CRAT: variants seen among roughly 807,000 people sequenced by gnomAD.
The protein encoded by CRAT is carnitine acetylase.
CRAT carries 66 observed loss-of-function variants against 73.7 expected under a neutral mutation model. The observed-to-expected ratio is 0.90, with a 90% CI of 0.73 to 1.10. The LOEUF (loss-of-function observed/expected upper bound fraction) is 1.10. CRAT is among the 50% of genes least tolerant of loss of function. CRAT has a pLI of 0.00. For synonymous variants in CRAT, 321 were observed against 343.2 expected (o/e 0.94, Z 0.71); for missense variants, 745 against 846.9 (o/e 0.88, Z 1.49).
At chr9:129,108,850 C>T (rs1315847168) in intron 1 of CRAT, 9 of 1,303,954 alleles carry the variant, frequency 6.9e-6, no homozygotes, top group Non-Finnish European at 9.1e-6. Flanking sequence ...CTAAGCCTAA[C>T]TGTGCTACAA....
At position 129,097,286 on chromosome 9, in the gene CRAT, C is replaced by G; in HGVS notation, c.1491G>C (p.Arg497=). 3.3e-6 allele frequency: 5 copies of G among 1,494,338 alleles called. No individual in the cohort carries two copies. The highest frequency in any genetic ancestry group is 4.5e-6 in the Non-Finnish European group (5 of 1,119,242). 92.6% of individuals were successfully genotyped at this position (1,494,338 alleles called of 1,614,324 possible). The change falls in exon 12 of 14, where the codon CGG becomes CGC. Residue 497 remains arginine, a synonymous_variant. Transcript: ENST00000318080. The part of the protein sequence containing the change: ...VTEHQKVELL[R]KAVQAHRGYT... ...AGCCTCGGTGGGCCTGCACGGCCTTCCGCAGCAGCTCCACCTTCTGGTGCT... is the reference window on the plus strand; with the variant it reads ...AGCCTCGGTGGGCCTGCACGGCCTTGCGCAGCAGCTCCACCTTCTGGTGCT...
chr9:129,095,868 C>T (rs1847248914), intron 13 of CRAT, 130 bp downstream of exon 13: 25 of 1,345,276 alleles, frequency 1.9e-5, no homozygotes, highest in Non-Finnish European at 2.5e-5. Flanking sequence ...GCAGAGAGGC[C>T]CCTGCCCCCA....
At chr9:129,108,657 A>G in intron 1 of CRAT, 1 of 1,236,228 alleles carries the variant, frequency 8.1e-7, no homozygotes. Context: ...GAGAGGCGGC[A>G]GAGAGAGAAA....
chr9:129,108,168 T>G (rs1848139896), intron 1 of CRAT, 91 bp from the exon 2 acceptor site: 1 of 1,414,636 alleles, frequency 7.1e-7, no homozygotes. Context: ...TAAGTGCCCA[T>G]CCCTGGGGGC....
rs181346042 is a variant in CRAT, at chr9:129,108,881, C to A, written c.28-804G>T. The A allele has an allele frequency of 2.2e-5, 28 of 1,298,870 alleles. No individual in the cohort carries two copies. In the South Asian group the frequency reaches 2.7e-4, roughly 13 times the overall value. The allele number at this position is 1,298,870 out of a possible 1,614,324, so 80.5% of individuals were successfully genotyped here. A position where few individuals can be genotyped will look rare whatever the true frequency, so the allele number is the denominator to read the frequency against. ...TACAAAGTGAGTGAGCAGAACCTAG[C>A]CAGAGGCAGCCACTTGCCTGGGCTG... On this transcript the variant is annotated intron_variant, in intron 1 of 13. Transcript: ENST00000318080.
At chr9:129,104,152 C>T (rs769481468) in intron 3 of CRAT, 36 bp downstream of exon 3, 24 of 1,509,378 alleles carry the variant, frequency 1.6e-5, no homozygotes, top group East Asian at 2.4e-5. Flanking sequence ...TCGAGGGGCC[C>T]GGCTGCCTCC....
chr9:129,102,972 CCTGGGCAGGTGTGGGG>C, intron 4 of CRAT, 25 bp downstream of exon 4: 3 of 1,581,766 alleles, frequency 1.9e-6, no homozygotes, highest in Non-Finnish European at 2.6e-6. Context: ...ATTAAGCAGG[CCTGGGCAGGTGTGGGG>C]CTGGGCAGGG....
chr9:129,100,358 TG>T, intron 7 of CRAT, 152 bp downstream of exon 7: 1 of 931,120 alleles, frequency 1.1e-6, no homozygotes, highest in Non-Finnish European at 1.6e-6. Flanking sequence ...GCTGGCTGCC[TG>T]GTAATTACGG....
intron 6 of CRAT, among the ~76,000 whole-genome samples, chr9:129,101,094 CG>C (rs112754361): frequency 0.039 from 5,984 of 152,204 alleles, 399 homozygotes; most frequent in African/African-American, 0.14. Context: ...GGTGTGGAGG[CG>C]GGTGGGCTTC....
Position 129,110,518 on chromosome 9 carries a change from C to T in CRAT, c.-9G>A. On this transcript the variant is annotated 5_prime_UTR_variant, in exon 1 of 14. Transcript: ENST00000318080. The surrounding 1 kb of genome is among the most constrained non-coding windows in gnomAD (Gnocchi z 5.3). The stretch of plus-strand genomic sequence containing the variant: ...GCAGCGAAGGCTAACATCTTCGCTG[C>T]CCGTCCGCGGACACGCAGTCCGCTC... The T allele has an allele frequency of 6.3e-7, 1 of 1,577,628 alleles. No individual in the cohort carries two copies.
chr9:129,106,135 G>T lies in CRAT; in HGVS notation c.291+1679C>A, dbSNP rs1018530439. Among the ~76,000 whole-genome samples, 4 of 152,118 alleles carry T rather than the reference G, an allele frequency of 2.6e-5. No individual in the cohort carries two copies. The highest frequency in any genetic ancestry group is 9.6e-5 in the African/African-American group (4 of 41,496). On this transcript the variant is annotated intron_variant, in intron 2 of 13. Transcript: ENST00000318080. This position sits in a 1 kb window ranked among gnomAD's most constrained non-coding sequence, Gnocchi z 4.0. ...CCACTAGCCTTTGGCAAGGGGTGAG[G>T]GGGAGGCAACTTGGCAAGGGGTGAG...
chr9:129,100,773 C>T lies in CRAT; in HGVS notation c.806-84G>A, dbSNP rs1847624412. On this transcript the variant is annotated intron_variant, in intron 6 of 13. Coordinates refer to ENST00000318080, the MANE Select transcript of CRAT (RefSeq NM_000755.5). ...GACCAGCCCCTCCGCAGCCTCCTGC[C>T]CTGGGCTCTTCTGACCCATTTGTAC... The T allele has an allele frequency of 3.6e-5, 54 of 1,481,148 alleles. No homozygotes were observed. In the South Asian group the frequency reaches 6.6e-4, roughly 18 times the overall value. The allele number at this position is 1,481,148 out of a possible 1,614,324, so 91.8% of individuals were successfully genotyped here.
Position 129,100,625 on chromosome 9 carries a change from T to G in CRAT, c.870A>C (p.Ala290=). The part of the protein sequence containing the change: ...QKSIFTVCLD[A]TMPRVSEDVY... ...CGTCTTCTGAGACCCTGGGCATGGT[T>G]GCATCTAGGCACACGGTGAAGATGC... is the stretch of plus-strand genomic sequence containing the variant. The change falls in exon 7 of 14, where the codon GCA becomes GCC. Residue 290 remains alanine (A), a synonymous_variant. Transcript: ENST00000318080. The G allele has an allele frequency of 6.2e-7, 1 of 1,614,044 alleles. No homozygotes were observed. The highest frequency in any genetic ancestry group is 8.5e-7 in the Non-Finnish European group (1 of 1,179,976).
intron 2 of CRAT, among the ~76,000 whole-genome samples, chr9:129,105,719 G>T (rs1291829484): frequency 6.6e-6 from 1 of 152,170 alleles, no homozygotes; most frequent in African/African-American, 2.4e-5. Context: ...GCCTCGGGGA[G>T]TAGATACCCA....
intron 7 of CRAT, 35 bp downstream of exon 7, chr9:129,100,474 GGT>G (rs1191936773): frequency 6.3e-7 from 1 of 1,592,868 alleles, no homozygotes; most frequent in South Asian, 1.1e-5. Flanking sequence ...GTCCTGTTCA[GGT>G]GTGTGTGAGT....
rs990503378 is a variant in CRAT, at chr9:129,098,608, G to A, written c.1128C>T (p.Pro376=). 1 of 1,600,788 alleles carries A rather than the reference G, an allele frequency of 6.2e-7. No individual in the cohort carries two copies. Among genetic ancestry groups the A allele is most frequent in the African/African-American group, 1.4e-5 (1 of 73,610 alleles). The change falls in exon 9 of 14, where the codon CCC becomes CCT. Residue 376 remains proline (P), a synonymous_variant. Coordinates refer to ENST00000318080, the MANE Select transcript of CRAT (RefSeq NM_000755.5). ...TGTTGAACCGCAGCTTCTTGGGCATGGGCAGGGGCACCAGGGGAGACCGCA... is the reference window on the plus strand; with the variant it reads ...TGTTGAACCGCAGCTTCTTGGGCATAGGCAGGGGCACCAGGGGAGACCGCA... ...ELVRSPLVPL[P]MPKKLRFNIT... is the part of the protein sequence containing the mutation.
rs1404833633 is a variant in CRAT at position 129,104,991 on chromosome 9, C to A, written c.292-685G>T. On this transcript the variant is annotated intron_variant, in intron 2 of 13. Transcript: ENST00000318080. ...TCTCGGCTCACTGCAAGCTCCACCT[C>A]CTGGGTTCACGCCATTCTCCTGCCT... Among the ~76,000 whole-genome samples the A allele has an allele frequency of 2.0e-5, 3 of 149,058 alleles. No homozygotes were observed. In the East Asian group the frequency reaches 5.9e-4, roughly 30 times the overall value.
Position 129,110,543 on chromosome 9 carries a change from C to G in CRAT, c.-34G>C. ...CCCGTCCGCGGACACGCAGTCCGCT[C>G]CGCCCCACACACCGGGCAAAGTCCG... On this transcript the variant is annotated 5_prime_UTR_variant, in exon 1 of 14. Transcript: ENST00000318080. This position sits in a 1 kb window ranked among gnomAD's most constrained non-coding sequence, Gnocchi z 5.3. 6.4e-6 allele frequency: 10 copies of G among 1,568,462 alleles called. No individual in the cohort carries two copies. Among genetic ancestry groups the G allele is most frequent in the Non-Finnish European group, 8.6e-6 (10 of 1,164,372 alleles).
intron 6 of CRAT, 62 bp downstream of exon 6, chr9:129,101,821 G>T: frequency 6.4e-7 from 1 of 1,557,364 alleles, no homozygotes; most frequent in Non-Finnish European, 8.7e-7. Context: ...TGGAGTTGAG[G>T]CTGGTCCCCA....
Sources: gnomAD v4.1 joint callset for allele counts (sites outside exome capture counted in the v4.1 genomes callset) on GRCh38, gnomAD v4.1.1 for gene constraint, Gnocchi (gnomAD v3.1) non-coding constraint, MANE v1.5 for transcripts, NCBI Gene and HGNC (gene_info 2026-07-23, HGNC 2026-07-21) for gene names.